Variants in MTUS1 observed in about 807,000 individuals in gnomAD.
MTUS1 encodes the protein microtubule associated scaffold protein 1.
A neutral mutation model predicts 120.8 loss-of-function variants in MTUS1; 109 were observed. That is an observed-to-expected ratio of 0.90 (90% confidence interval 0.77 to 1.06). The LOEUF (loss-of-function observed/expected upper bound fraction) is 1.06. Ranked by LOEUF, MTUS1 falls within the 50% of genes least tolerant of loss-of-function variation. The pLI, the probability that MTUS1 is intolerant of heterozygous loss-of-function variation, is 0.00. For synonymous variants in MTUS1, 737 were observed against 550.5 expected, an observed-to-expected ratio of 1.34 and a Z score of -4.74; for missense variants, 2,210 against 1,486.3, an observed-to-expected ratio of 1.49 and a Z score of -8.01.
chr8:17,754,214 G>A lies in MTUS1; in HGVS notation c.1594C>T (p.Pro532Ser), dbSNP rs1265331185. ...GAGGCACTGGTCTGCTGAGGTCTGG[G>A]CGTGACCTTTGATAAAGCAGCATCT... ...PKDAALSKVT[P>S]RPQQTSASSP... The change falls in exon 2 of 15, where the codon CCC (proline) becomes TCC (serine). Residue 532 changes from proline (P) to serine (S), a missense_variant. Pro to Ser is a moderately conservative substitution (Grantham distance 74, BLOSUM62 -1). Coordinates refer to ENST00000693296, the MANE Select transcript of MTUS1 (RefSeq NM_001363059.2). 4 of 1,613,902 alleles carry A rather than the reference G, an allele frequency of 2.5e-6. No homozygotes were observed. Among genetic ancestry groups the A allele is most frequent in the African/African-American group, 1.3e-5 (1 of 74,866 alleles).
intron 1 of MTUS1, among the ~76,000 whole-genome samples, chr8:17,800,388 C>A (rs555292590): frequency 6.6e-6 from 1 of 152,216 alleles, no homozygotes; most frequent in Non-Finnish European, 1.5e-5. Context: ...TCTTAGAACA[C>A]TGACTACTTC....
intron 1 of MTUS1, among the ~76,000 whole-genome samples, chr8:17,789,687 A>T (rs2051609033): frequency 6.6e-6 from 1 of 152,194 alleles, no homozygotes; most frequent in Admixed American, 6.5e-5. Flanking sequence ...CTTGAAAATG[A>T]TTACCTATGT....
At chr8:17,725,625 C>T (rs930905038) in intron 3 of MTUS1, among the ~76,000 whole-genome samples, 1 of 152,164 alleles carries the variant, frequency 6.6e-6, no homozygotes, top group Non-Finnish European at 1.5e-5. Flanking sequence ...CTTCCAACTC[C>T]ATCATGTTAA....
At chr8:17,661,541 G>T (rs546025467) in intron 8 of MTUS1, among the ~76,000 whole-genome samples, 1 of 151,978 alleles carries the variant, frequency 6.6e-6, no homozygotes, top group Non-Finnish European at 1.5e-5. Flanking sequence ...AAATACTGTC[G>T]CTTTGAATAT....
intron 1 of MTUS1, among the ~76,000 whole-genome samples, chr8:17,788,150 G>C (rs1481351181): frequency 1.3e-5 from 2 of 152,104 alleles, no homozygotes; most frequent in Non-Finnish European, 2.9e-5. Flanking sequence ...TAAGGTGATG[G>C]ACACATTCTG....
rs545088174 is a variant in MTUS1 at position 17,709,464 on chromosome 8, C to G, written c.2623+3750G>C. ...TTTTTTTAACTATCCTATTAGCTCT[C>G]CAGAGACAAGGCCCCTGCTCATTCT... On this transcript the variant is annotated intron_variant, in intron 6 of 14. Coordinates refer to ENST00000693296, the MANE Select transcript of MTUS1 (RefSeq NM_001363059.2). Among the ~76,000 whole-genome samples, 8 of 152,182 alleles carry G rather than the reference C, an allele frequency of 5.3e-5. No individual in the cohort carries two copies. In the South Asian group the frequency reaches 1.5e-3, roughly 28 times the overall value.
At chr8:17,667,833 C>G (rs1196265787) in intron 8 of MTUS1, among the ~76,000 whole-genome samples, 2 of 152,078 alleles carry the variant, frequency 1.3e-5, no homozygotes, top group Admixed American at 6.5e-5. Context: ...TTTATAAATA[C>G]AATGCAGAGA....
rs576512786 is a variant in MTUS1, at chr8:17,732,686, T to G, written c.2288-8853A>C. Among the ~76,000 whole-genome samples the G allele has an allele frequency of 4.6e-5, 7 of 152,232 alleles. No individual in the cohort carries two copies. In the South Asian group the frequency reaches 1.5e-3, roughly 32 times the overall value. On this transcript the variant is annotated intron_variant, in intron 3 of 14. Transcript: ENST00000693296. ...TGTAACTGAGTTTCAGATCTCCCCT[T>G]CCCAACATCTGTGTTTCCACCATCC... is the stretch of plus-strand genomic sequence containing the variant.
intron 3 of MTUS1, among the ~76,000 whole-genome samples, chr8:17,740,364 C>T (rs1403100527): frequency 1.3e-5 from 2 of 152,144 alleles, no homozygotes; most frequent in Non-Finnish European, 2.9e-5. Flanking sequence ...ATTGAAAACG[C>T]CAAATTGGCT....
chr8:17,799,440 T>A (rs1425268000), intron 1 of MTUS1, among the ~76,000 whole-genome samples: 1 of 152,090 alleles, frequency 6.6e-6, no homozygotes, highest in Non-Finnish European at 1.5e-5. Flanking sequence ...TAACAAGTAT[T>A]TTCTTAAATA....
At chr8:17,669,925 T>G (rs964362766) in intron 8 of MTUS1, among the ~76,000 whole-genome samples, 1 of 151,838 alleles carries the variant, frequency 6.6e-6, no homozygotes, top group Non-Finnish European at 1.5e-5. Context: ...GCAAGTGGAG[T>G]TGGGGGCGCA....
intron 7 of MTUS1, among the ~76,000 whole-genome samples, chr8:17,683,347 T>C (rs7465555): frequency 0.58 from 88,696 of 152,044 alleles, 26,130 homozygotes; most frequent in Middle Eastern, 0.67. Flanking sequence ...TCTCATCCAC[T>C]TCTCTCTCTC....
At chr8:17,744,615 T>C (rs780522677) in intron 2 of MTUS1, among the ~76,000 whole-genome samples, 5 of 151,652 alleles carry the variant, frequency 3.3e-5, no homozygotes, top group African/African-American at 1.2e-4. Context: ...CTAATTTTTA[T>C]ATTTTTGTAG....
chr8:17,652,244 C>G (rs1807164497), intron 12 of MTUS1, among the ~76,000 whole-genome samples: 1 of 152,204 alleles, frequency 6.6e-6, no homozygotes, highest in Non-Finnish European at 1.5e-5. Flanking sequence ...GAAATTTCAG[C>G]TTCCAAGAGA....
intron 1 of MTUS1, among the ~76,000 whole-genome samples, chr8:17,768,074 T>C (rs1287797498): frequency 1.3e-5 from 2 of 152,342 alleles, no homozygotes; most frequent in East Asian, 3.9e-4. Flanking sequence ...TACAGGTCTG[T>C]TGAATTAAAC....
rs549624044 is a variant in MTUS1 at position 17,780,595 on chromosome 8, G to A, written c.-155+20466C>T. 1.7e-4 allele frequency among the ~76,000 whole-genome samples: 26 copies of A among 152,216 alleles called. 2 individuals carry two copies. In the South Asian group the frequency reaches 5.2e-3, roughly 30 times the overall value. On this transcript the variant is annotated intron_variant, in intron 1 of 14. Coordinates refer to ENST00000693296, the MANE Select transcript of MTUS1 (RefSeq NM_001363059.2). Reference sequence around the variant, plus strand: ...TCCCTCTCTCCCCAGTAGCAACTCCGACAGGCACTGCCTTCAAAATACATT... The same window carrying A: ...TCCCTCTCTCCCCAGTAGCAACTCCAACAGGCACTGCCTTCAAAATACATT...
At chr8:17,696,556 T>C (rs1818008406) in intron 6 of MTUS1, among the ~76,000 whole-genome samples, 1 of 152,138 alleles carries the variant, frequency 6.6e-6, no homozygotes, top group South Asian at 2.1e-4. Context: ...AGGACAAAAG[T>C]AGCAACATAG....
At chr8:17,686,888 T>C (rs551933846) in intron 6 of MTUS1, among the ~76,000 whole-genome samples, 1 of 152,306 alleles carries the variant, frequency 6.6e-6, no homozygotes, top group South Asian at 2.1e-4. Context: ...GGTAAATATA[T>C]TACCTATTCA....
At chr8:17,790,485 T>C (rs1407818737) in intron 1 of MTUS1, among the ~76,000 whole-genome samples, 1 of 152,226 alleles carries the variant, frequency 6.6e-6, no homozygotes, top group Non-Finnish European at 1.5e-5. Flanking sequence ...CTATTAGGAC[T>C]TATTGCAAAA....
Sources: gnomAD v4.1 joint callset for allele counts (sites outside exome capture counted in the v4.1 genomes callset) on GRCh38, gnomAD v4.1.1 for gene constraint, MANE v1.5 for transcripts, NCBI Gene and HGNC (gene_info 2026-07-23, HGNC 2026-07-21) for gene names.